COL18A1: variants seen among roughly 807,000 people sequenced by gnomAD.
COL18A1 encodes collagen type XVIII alpha 1 chain, also known as collagen alpha-1(XVIII) chain.
COL18A1 carries 133 observed loss-of-function variants against 168.0 expected under a neutral mutation model. The observed-to-expected ratio is 0.79, with a 90% confidence interval of 0.69 to 0.91. The LOEUF is 0.91. COL18A1 is among the 40% of genes least tolerant of loss of function. The pLI is 0.00. For synonymous variants in COL18A1, 949 were observed against 809.0 expected (o/e 1.17, Z -2.94); for missense variants, 2,126 against 1,925.4 (o/e 1.10, Z -1.95).
intron 2 of COL18A1, among the ~76,000 whole-genome samples, chr21:45,409,763 T>C (rs992496274): frequency 6.6e-6 from 1 of 151,866 alleles, no homozygotes; most frequent in African/African-American, 2.4e-5. Context: ...GGGGCGGGAG[T>C]GGCTGCTTCC....
Position 45,453,107 on chromosome 21 carries a change from A to T in COL18A1, c.107-15135A>T, listed in dbSNP as rs2034682670. Among the ~76,000 whole-genome samples, 4 of 150,760 alleles carry T rather than the reference A, an allele frequency of 2.7e-5. No individual in the cohort carries two copies. In the South Asian group the frequency reaches 8.5e-4, roughly 32 times the overall value. On this transcript the variant is annotated intron_variant, in intron 2 of 41. Coordinates refer to ENST00000651438, the MANE Select transcript of COL18A1 (RefSeq NM_001379500.1). ...GAGCATTCATGTATGACATGTAAGC[A>T]TTATGTATGTGTGTGGGCTTGTGTA... is the stretch of plus-strand genomic sequence containing the variant.
intron 41 of COL18A1, 112 bp from the exon 42 acceptor site, chr21:45,512,076 C>A (rs2037643648): frequency 8.3e-7 from 1 of 1,199,376 alleles, no homozygotes; most frequent in Non-Finnish European, 1.2e-6. Flanking sequence ...CTCTGCAGCC[C>A]CCTGGTAACC....
At chr21:45,507,388 C>T in intron 37 of COL18A1, 173 bp from the exon 38 acceptor site, 1 of 613,366 alleles carries the variant, frequency 1.6e-6, no homozygotes, top group Non-Finnish European at 2.8e-6. Flanking sequence ...GGGTGCTGGG[C>T]AGGGAGCGTA....
At chr21:45,512,019 A>AG (rs1568956588) in intron 41 of COL18A1, among the ~76,000 whole-genome samples, 169 bp from the exon 42 acceptor site, 1 of 152,086 alleles carries the variant, frequency 6.6e-6, no homozygotes, top group African/African-American at 2.4e-5. Flanking sequence ...AGCCCCCTCC[A>AG]CAGGCAGCCA....
intron 15 of COL18A1, among the ~76,000 whole-genome samples, chr21:45,486,015 G>A (rs1414326952): frequency 6.6e-6 from 1 of 152,180 alleles, no homozygotes; most frequent in Non-Finnish European, 1.5e-5. Flanking sequence ...GGTTCAGCTG[G>A]GCCACGTCAC....
intron 32 of COL18A1, among the ~76,000 whole-genome samples, chr21:45,503,761 A>C (rs970388786): frequency 6.6e-5 from 10 of 152,156 alleles, no homozygotes; most frequent in Non-Finnish European, 7.3e-5. Context: ...CATCATGCAC[A>C]TGTACCCTAA....
Position 45,440,629 on chromosome 21 carries a change from C to T in COL18A1, c.107-27613C>T, listed in dbSNP as rs572387769. On this transcript the variant is annotated intron_variant, in intron 2 of 41. Coordinates refer to ENST00000651438, the MANE Select transcript of COL18A1 (RefSeq NM_001379500.1). ...GCCTGCTGGGGTTTGAGCCACGTTC[C>T]CCGGAAGCAGCTGGGGCCTGCTGGG... is the stretch of plus-strand genomic sequence containing the variant. 3.3e-5 allele frequency among the ~76,000 whole-genome samples: 5 copies of T among 151,412 alleles called. No individual in the cohort carries two copies. In the East Asian group the frequency reaches 9.8e-4, roughly 30 times the overall value.
At chr21:45,492,899 G>A (rs2036402952) in intron 24 of COL18A1, among the ~76,000 whole-genome samples, 186 bp downstream of exon 24, 1 of 152,234 alleles carries the variant, frequency 6.6e-6, no homozygotes, top group African/African-American at 2.4e-5. Flanking sequence ...CCTGTGCTGG[G>A]TGGGCACCCG....
chr21:45,445,683 G>A (rs1438351085), intron 2 of COL18A1, among the ~76,000 whole-genome samples: 1 of 152,088 alleles, frequency 6.6e-6, no homozygotes, highest in Non-Finnish European at 1.5e-5. Flanking sequence ...GTTTTCATTT[G>A]CATTTTCATG....
At chr21:45,421,653 G>A in intron 2 of COL18A1, 1 of 507,486 alleles carries the variant, frequency 2.0e-6, no homozygotes, top group Non-Finnish European at 4.1e-6. Flanking sequence ...GTGGCTGGCA[G>A]GTTGCCAGGA....
chr21:45,500,269 TGGGTGTGTAGTGG>T (rs1284821250), intron 32 of COL18A1, among the ~76,000 whole-genome samples: 1 of 99,684 alleles, frequency 1.0e-5, no homozygotes, highest in Non-Finnish European at 1.9e-5. Flanking sequence ...ATGTGGGTGT[TGGGTGTGTAGTGG>T]GGGTGTGTGG....
At chr21:45,418,899 C>G (rs551411562) in intron 2 of COL18A1, among the ~76,000 whole-genome samples, 5 of 152,360 alleles carry the variant, frequency 3.3e-5, no homozygotes, top group African/African-American at 1.2e-4. Flanking sequence ...CAGCCAGACC[C>G]CCCGGACGGC....
intron 2 of COL18A1, among the ~76,000 whole-genome samples, chr21:45,464,324 A>T (rs2035131448): frequency 1.3e-5 from 2 of 152,122 alleles, no homozygotes; most frequent in Admixed American, 6.5e-5. Flanking sequence ...CAACAGCCCA[A>T]CCTGGGGCCA....
chr21:45,482,926 C>T (rs2035951034), intron 15 of COL18A1, 105 bp downstream of exon 15: 2 of 1,559,642 alleles, frequency 1.3e-6, no homozygotes, highest in African/African-American at 1.4e-5. Context: ...AGTGAGCTCT[C>T]TTGGGGCTGG....
intron 34 of COL18A1, 120 bp downstream of exon 34, chr21:45,504,676 C>A: frequency 5.9e-6 from 5 of 841,590 alleles, no homozygotes; most frequent in Non-Finnish European, 7.5e-6. Flanking sequence ...GCAAGCTCAG[C>A]AGCCCCGACA....
At chr21:45,476,145 T>TGGGGAGCC (rs987070720) in intron 5 of COL18A1, among the ~76,000 whole-genome samples, 1 of 150,730 alleles carries the variant, frequency 6.6e-6, no homozygotes, top group African/African-American at 2.5e-5. Context: ...TCCTGGGTCC[T>TGGGGAGCC]GGGGAGCCGG....
chr21:45,457,951 G>A lies in COL18A1; in HGVS notation c.107-10291G>A, dbSNP rs775215539. Among the ~76,000 whole-genome samples the A allele has an allele frequency of 1.7e-4, 26 of 152,128 alleles. No homozygotes were observed. Among genetic ancestry groups the A allele is most frequent in the Non-Finnish European group, 4.4e-5 (3 of 68,014 alleles). On this transcript the variant is annotated intron_variant, in intron 2 of 41. Transcript: ENST00000651438. This position sits in a 1 kb window ranked among gnomAD's most constrained non-coding sequence, Gnocchi z 4.6. ...CTTGGTGATTCCCCTTGAGTTTCAG[G>A]CCAGTGACCGTTTCTCTCAGCAAAG...
At chr21:45,446,425 A>G (rs564938094) in intron 2 of COL18A1, among the ~76,000 whole-genome samples, 17 of 152,362 alleles carry the variant, frequency 1.1e-4, no homozygotes, top group Non-Finnish European at 2.2e-4. Context: ...AAAATTTCCT[A>G]GAAAGGTGCA....
At chr21:45,454,772 G>A (rs1248371632) in intron 2 of COL18A1, among the ~76,000 whole-genome samples, 1 of 152,232 alleles carries the variant, frequency 6.6e-6, no homozygotes, top group African/African-American at 2.4e-5. Flanking sequence ...CCGGCTGCCT[G>A]GAATGTTCCA....
Sources: gnomAD v4.1 joint callset for allele counts (sites outside exome capture counted in the v4.1 genomes callset) on GRCh38, gnomAD v4.1.1 for gene constraint, Gnocchi (gnomAD v3.1) non-coding constraint, MANE v1.5 for transcripts, NCBI Gene and HGNC (gene_info 2026-07-23, HGNC 2026-07-21) for gene names.